The following POU3F3 variants were observed in gnomAD, a reference collection of about 807,000 sequenced individuals.
POU3F3 encodes POU class 3 homeobox 3.
POU3F3 carries 1 observed loss-of-function variant against 8.6 expected under a neutral mutation model. The observed-to-expected ratio is 0.12, with a 90% confidence interval of 0.04 to 0.55. The LOEUF is 0.55. Ranked by LOEUF, POU3F3 falls within the 20% of genes least tolerant of loss-of-function variation. The pLI, the probability that POU3F3 is intolerant of heterozygous loss-of-function variation, is 0.91. For missense variants in POU3F3, 577 were observed against 690.7 expected (o/e 0.84, Z 1.84); for synonymous variants, 418 against 327.4 (o/e 1.28, Z -2.99).
chr2:104,872,239 G>C, the POU3F3 span: 1 of 456,384 alleles, frequency 2.2e-6, no homozygotes, highest in Admixed American at 2.4e-5. This position sits in a 1 kb window ranked among gnomAD's most constrained non-coding sequence, Gnocchi z 4.6. Context: ...CGGCGTTCTG[G>C]ACTCACCCGG....
chr2:104,926,858 A>G, the POU3F3 span, among the ~76,000 whole-genome samples: 1 of 152,198 alleles, frequency 6.6e-6, no homozygotes, highest in Non-Finnish European at 1.5e-5. Flanking sequence ...AGAAAACTAA[A>G]CACTGCATGT....
At chr2:104,906,944 A>G in the POU3F3 span, among the ~76,000 whole-genome samples, 9 of 152,010 alleles carry the variant, frequency 5.9e-5, no homozygotes, top group Admixed American at 3.3e-4. Context: ...TTCCACCAAT[A>G]CTTTCAACAA....
the POU3F3 span, among the ~76,000 whole-genome samples, chr2:104,892,720 G>C: frequency 6.7e-6 from 1 of 150,374 alleles, no homozygotes; most frequent in South Asian, 2.1e-4. Flanking sequence ...CACATATGGA[G>C]AGAGAGAGAG....
At chr2:104,914,797 G>T in the POU3F3 span, among the ~76,000 whole-genome samples, 2 of 152,162 alleles carry the variant, frequency 1.3e-5, no homozygotes, top group Admixed American at 6.5e-5. Context: ...CCTTCTCCCC[G>T]CAAGGAGAAG....
chr2:104,895,323 G>A, the POU3F3 span, among the ~76,000 whole-genome samples: 10 of 152,076 alleles, frequency 6.6e-5, no homozygotes, highest in African/African-American at 1.9e-4. Flanking sequence ...ACAAGCAGGC[G>A]CTATGACTCT....
At chr2:104,863,809 A>G in the POU3F3 span, among the ~76,000 whole-genome samples, 1 of 152,176 alleles carries the variant, frequency 6.6e-6, no homozygotes, top group Non-Finnish European at 1.5e-5. Context: ...TCGGGTCCCC[A>G]TGTGCGGGCA....
rs544632860 is a variant in POU3F3 at position 104,854,956 on chromosome 2, T to A, written c.-555T>A. Among the ~76,000 whole-genome samples the A allele has an allele frequency of 1.3e-5, 2 of 152,270 alleles. No homozygotes were observed. The highest frequency in any genetic ancestry group is 2.1e-4 in the South Asian group (1 of 4,830). ...CAGCTTCTTTCTTTGTTATCTCCCG[T>A]GAAACCTTCACTTAGCAGGTGGACG... is the stretch of plus-strand genomic sequence containing the variant. On this transcript the variant is annotated 5_prime_UTR_variant, in exon 1 of 1. Transcript: ENST00000361360. The surrounding 1 kb of genome is among the most constrained non-coding windows in gnomAD (Gnocchi z 4.5).
the POU3F3 span, among the ~76,000 whole-genome samples, chr2:104,904,714 T>TA: frequency 2.0e-5 from 3 of 152,128 alleles, no homozygotes; most frequent in South Asian, 2.1e-4. Flanking sequence ...GGTACATCAG[T>TA]TCCTGTCCTT....
the POU3F3 span, among the ~76,000 whole-genome samples, chr2:104,865,121 G>A: frequency 3.9e-5 from 6 of 152,212 alleles, no homozygotes; most frequent in Admixed American, 2.6e-4. Context: ...AGTGTTAGGT[G>A]ATGACTTCCT....
chr2:104,879,989 T>C, the POU3F3 span, among the ~76,000 whole-genome samples: 5 of 152,230 alleles, frequency 3.3e-5, no homozygotes, highest in Admixed American at 2.0e-4. Context: ...AAAGCTAAGA[T>C]TTCGAATGCA....
the POU3F3 span, among the ~76,000 whole-genome samples, chr2:104,889,704 T>A: frequency 6.6e-6 from 1 of 152,186 alleles, no homozygotes; most frequent in South Asian, 2.1e-4. Context: ...ATAGTTAAAT[T>A]GTCAGGTAAC....
At chr2:104,919,032 C>T in the POU3F3 span, among the ~76,000 whole-genome samples, 53 of 152,026 alleles carry the variant, frequency 3.5e-4, no homozygotes, top group African/African-American at 1.1e-3. Flanking sequence ...CCACCACGCC[C>T]AGCTAATTTT....
the POU3F3 span, among the ~76,000 whole-genome samples, chr2:104,889,741 G>A: frequency 2.6e-5 from 4 of 152,318 alleles, no homozygotes; most frequent in African/African-American, 7.2e-5. Flanking sequence ...ACCTGGCATC[G>A]TTCAAGAAGG....
chr2:104,870,554 T>C, the POU3F3 span, among the ~76,000 whole-genome samples: 1,712 of 152,298 alleles, frequency 0.011, 28 homozygotes, highest in African/African-American at 0.039. Context: ...TTGAAGTTCA[T>C]TGTTCCAAAC....
At chr2:104,884,145 G>A in the POU3F3 span, among the ~76,000 whole-genome samples, 1 of 152,136 alleles carries the variant, frequency 6.6e-6, no homozygotes, top group African/African-American at 2.4e-5. Context: ...GGGGTGACAC[G>A]GAAGAGTGTG....
At chr2:104,876,131 C>T in the POU3F3 span, among the ~76,000 whole-genome samples, 1 of 152,194 alleles carries the variant, frequency 6.6e-6, no homozygotes, top group African/African-American at 2.4e-5. Flanking sequence ...TGGTTCTAAT[C>T]AGAAGCTGGA....
At chr2:104,904,505 G>A in the POU3F3 span, among the ~76,000 whole-genome samples, 13 of 152,090 alleles carry the variant, frequency 8.5e-5, no homozygotes, top group African/African-American at 1.2e-4. Context: ...CCAGTGGAAC[G>A]AATCCAGTTA....
At chr2:104,918,937 T>A in the POU3F3 span, among the ~76,000 whole-genome samples, 1 of 151,210 alleles carries the variant, frequency 6.6e-6, no homozygotes, top group East Asian at 2.0e-4. Context: ...AATGGCATGA[T>A]CTCAGCTCAC....
the POU3F3 span, among the ~76,000 whole-genome samples, chr2:104,874,513 G>A: frequency 3.8e-4 from 58 of 152,238 alleles, no homozygotes; most frequent in Middle Eastern, 6.8e-3. Context: ...AGGAGGAGAG[G>A]TGCCAGTAAG....
Sources: gnomAD v4.1 joint callset for allele counts (sites outside exome capture counted in the v4.1 genomes callset) on GRCh38, gnomAD v4.1.1 for gene constraint, Gnocchi (gnomAD v3.1) non-coding constraint, MANE v1.5 for transcripts, NCBI Gene and HGNC (gene_info 2026-07-23, HGNC 2026-07-21) for gene names.